Variants in RBFOX1 observed in about 807,000 individuals in gnomAD.
RBFOX1 encodes RNA binding fox-1 homolog 1.
In RBFOX1, 8 loss-of-function variants were observed where a neutral mutation model predicts 57.7. The observed-to-expected ratio is 0.14, with a 90% confidence interval of 0.08 to 0.25. The LOEUF (loss-of-function observed/expected upper bound fraction) is 0.25, where lower values mean the gene tolerates loss of function less well. RBFOX1 is among the 10% of genes least tolerant of loss of function. RBFOX1 has a pLI of 1.00. For missense variants in RBFOX1, 611 were observed against 548.5 expected, an observed-to-expected ratio of 1.11 and a Z score of -1.14; for synonymous variants, 326 against 222.4, an observed-to-expected ratio of 1.47 and a Z score of -4.15.
intron 2 of RBFOX1, among the ~76,000 whole-genome samples, chr16:6,368,976 G>T (rs1331891893): frequency 6.6e-6 from 1 of 152,154 alleles, no homozygotes; most frequent in Non-Finnish European, 1.5e-5. Context: ...GGAACAATAG[G>T]ATGTGTTATC....
intron 3 of RBFOX1, among the ~76,000 whole-genome samples, chr16:5,798,907 G>A (rs560323290): frequency 6.6e-6 from 1 of 152,110 alleles, no homozygotes; most frequent in South Asian, 2.1e-4. Flanking sequence ...GCGTCAGACA[G>A]GCCCAATTCA....
At chr16:7,157,682 C>G (rs1344830978) in intron 4 of RBFOX1, among the ~76,000 whole-genome samples, 1 of 152,126 alleles carries the variant, frequency 6.6e-6, no homozygotes, top group African/African-American at 2.4e-5. Context: ...CACGCCATAG[C>G]CACTCTACAT....
intron 4 of RBFOX1, among the ~76,000 whole-genome samples, chr16:7,185,358 G>A (rs2083505483): frequency 1.3e-5 from 2 of 152,128 alleles, no homozygotes; most frequent in Non-Finnish European, 2.9e-5. Context: ...TCTCAGCCAT[G>A]ATGTTTCTGA....
intron 3 of RBFOX1, among the ~76,000 whole-genome samples, chr16:7,047,984 T>C (rs905118139): frequency 3.3e-5 from 5 of 151,890 alleles, no homozygotes; most frequent in Admixed American, 1.3e-4. Context: ...GTTCAAGCGA[T>C]TCTCCTGTCT....
chr16:6,070,812 C>T (rs191090671), intron 1 of RBFOX1, among the ~76,000 whole-genome samples: 346 of 151,462 alleles, frequency 2.3e-3, no homozygotes, highest in African/African-American at 8.0e-3. Flanking sequence ...TACACACACA[C>T]GCTCGCCCCC....
chr16:7,681,500 C>A (rs570048217), intron 14 of RBFOX1, among the ~76,000 whole-genome samples: 1 of 152,094 alleles, frequency 6.6e-6, no homozygotes, highest in Non-Finnish European at 1.5e-5. Flanking sequence ...TAGAGAAAGG[C>A]TGTCATGAAA....
intron 3 of RBFOX1, among the ~76,000 whole-genome samples, chr16:6,737,102 G>C (rs1449857146): frequency 6.6e-6 from 1 of 152,184 alleles, no homozygotes; most frequent in Non-Finnish European, 1.5e-5. Context: ...TTCTGAGTAA[G>C]ATAGTCCCTG....
chr16:7,664,986 T>G lies in RBFOX1; in HGVS notation c.930+18T>G. 6.2e-7 allele frequency: 1 copy of G among 1,613,936 alleles called. No homozygotes were observed. Among genetic ancestry groups the G allele is most frequent in the Non-Finnish European group, 8.5e-7 (1 of 1,179,830 alleles). On this transcript the variant is annotated intron_variant, in intron 13 of 15. Coordinates refer to ENST00000550418, the MANE Select transcript of RBFOX1 (RefSeq NM_018723.4). Reference sequence around the variant, plus strand: ...ACATTTATGTAAGTATTCATTCACGTGCATGCCATCCCCGTTTCCTCCTGG... The same window carrying G: ...ACATTTATGTAAGTATTCATTCACGGGCATGCCATCCCCGTTTCCTCCTGG...
intron 2 of RBFOX1, among the ~76,000 whole-genome samples, chr16:6,396,279 G>A (rs370912892): frequency 1.3e-5 from 2 of 152,030 alleles, no homozygotes; most frequent in Admixed American, 1.3e-4. Context: ...ACTGTAACTT[G>A]ATAAAATGAG....
chr16:6,621,088 C>T (rs1567918319), intron 2 of RBFOX1, among the ~76,000 whole-genome samples: 2 of 152,180 alleles, frequency 1.3e-5, no homozygotes, highest in African/African-American at 2.4e-5. Flanking sequence ...CACATCATTT[C>T]AATCTCTGCC....
Position 6,171,852 on chromosome 16 carries a change from C to T in RBFOX1, c.-126-145143C>T, listed in dbSNP as rs545975069. On this transcript the variant is annotated intron_variant, in intron 1 of 15. Coordinates refer to ENST00000550418, the MANE Select transcript of RBFOX1 (RefSeq NM_018723.4). ...TATTTATTCTTTTAAGACAGAGTCT[C>T]GCTCTGTCACCCAGGTTGGAGTGCA... Among the ~76,000 whole-genome samples the T allele has an allele frequency of 7.7e-5, 11 of 143,480 alleles. No individual in the cohort carries two copies. In the East Asian group the frequency reaches 1.4e-3, roughly 19 times the overall value. 94.1% of individuals were successfully genotyped at this position (143,480 alleles called of 152,430 possible).
intron 3 of RBFOX1, among the ~76,000 whole-genome samples, chr16:6,932,352 C>G (rs1010002826): frequency 6.6e-6 from 1 of 152,180 alleles, no homozygotes; most frequent in Non-Finnish European, 1.5e-5. Context: ...GGTGATCCAC[C>G]TGCCTCAGGC....
At position 6,373,211 on chromosome 16, in the gene RBFOX1, G is replaced by T. The variant is rs561338591; in HGVS notation, c.-64+56154G>T. Among the ~76,000 whole-genome samples the T allele has an allele frequency of 3.3e-5, 5 of 151,918 alleles. No individual in the cohort carries two copies. In the South Asian group the frequency reaches 1.0e-3, roughly 32 times the overall value. On this transcript the variant is annotated intron_variant, in intron 2 of 15. Transcript: ENST00000550418. ...GAGATTCAGCGGAAGTGTATAGTTG[G>T]ATAGAAGGATAGTTCGTTGGGATCA...
At position 6,741,859 on chromosome 16, in the gene RBFOX1, T is replaced by C. The variant is rs79487745; in HGVS notation, c.-16+87209T>C. The stretch of plus-strand genomic sequence containing the variant: ...GGGTAAAGGGTTAGAGAAATGTTTG[T>C]CAAAGCATACAAAGTTTTAGTTAGA... On this transcript the variant is annotated intron_variant, in intron 3 of 15. Transcript: ENST00000550418. Among the ~76,000 whole-genome samples the C allele has an allele frequency of 9.3e-3, 1,420 of 152,266 alleles. 26 individuals are homozygous for C. The highest frequency in any genetic ancestry group is 0.051 in the Middle Eastern group (15 of 294).
At chr16:7,185,769 G>A (rs922747299) in intron 4 of RBFOX1, among the ~76,000 whole-genome samples, 2 of 152,168 alleles carry the variant, frequency 1.3e-5, no homozygotes, top group African/African-American at 4.8e-5. Context: ...TTCTGAAACT[G>A]TAAAGTCTTT....
At chr16:5,735,275 A>G (rs2052530860) in intron 3 of RBFOX1, among the ~76,000 whole-genome samples, 1 of 152,202 alleles carries the variant, frequency 6.6e-6, no homozygotes, top group East Asian at 1.9e-4. Flanking sequence ...GCCACTCTGC[A>G]TTTCATGGCT....
intron 4 of RBFOX1, among the ~76,000 whole-genome samples, chr16:7,427,995 C>G (rs2098638605): frequency 6.6e-6 from 1 of 152,174 alleles, no homozygotes; most frequent in African/African-American, 2.4e-5. Flanking sequence ...TATCTTTTTA[C>G]ATTCCAAGAA....
chr16:7,609,568 T>C (rs1050017911), intron 10 of RBFOX1, among the ~76,000 whole-genome samples: 5 of 152,188 alleles, frequency 3.3e-5, no homozygotes, highest in Admixed American at 6.5e-5. Context: ...GAAAATGTTA[T>C]AATGTAAGTT....
intron 2 of RBFOX1, among the ~76,000 whole-genome samples, chr16:6,408,601 G>A (rs538694236): frequency 5.3e-4 from 81 of 152,262 alleles, no homozygotes; most frequent in African/African-American, 1.9e-3. Context: ...TGTCTATGAA[G>A]TGTCCTCTGT....
Sources: gnomAD v4.1 joint callset for allele counts (sites outside exome capture counted in the v4.1 genomes callset) on GRCh38, gnomAD v4.1.1 for gene constraint, MANE v1.5 for transcripts, NCBI Gene and HGNC (gene_info 2026-07-23, HGNC 2026-07-21) for gene names.